Variants in EEIG2 observed in about 807,000 individuals in gnomAD.
The protein encoded by EEIG2 is family with sequence similarity 102 member B.
chr1:108,619,899 C>A, the EEIG2 span, among the ~76,000 whole-genome samples: 6 of 152,120 alleles, frequency 3.9e-5, no homozygotes, highest in Non-Finnish European at 8.8e-5. Flanking sequence ...AAAAATAAAG[C>A]AAATATATTA....
the EEIG2 span, among the ~76,000 whole-genome samples, chr1:108,564,538 C>G: frequency 1.3e-5 from 2 of 152,100 alleles, no homozygotes; most frequent in African/African-American, 4.8e-5. Context: ...TAGTGGGAGG[C>G]ATTTATGCGG....
the EEIG2 span, among the ~76,000 whole-genome samples, chr1:108,570,846 C>T: frequency 1.3e-5 from 2 of 151,986 alleles, no homozygotes; most frequent in African/African-American, 4.8e-5. Context: ...AAATATGGAA[C>T]AGTTGGAGGA....
At chr1:108,617,698 G>A in the EEIG2 span, among the ~76,000 whole-genome samples, 8 of 152,218 alleles carry the variant, frequency 5.3e-5, no homozygotes, top group African/African-American at 1.4e-4. Context: ...ACACCCCAGC[G>A]TGTTAGAGGT....
the EEIG2 span, among the ~76,000 whole-genome samples, chr1:108,591,071 C>A: frequency 6.6e-6 from 1 of 152,184 alleles, no homozygotes. Context: ...AAATCATATT[C>A]TGTTGCTTTG....
chr1:108,579,714 A>C, the EEIG2 span, among the ~76,000 whole-genome samples: 4 of 143,300 alleles, frequency 2.8e-5, no homozygotes, highest in African/African-American at 1.1e-4. Flanking sequence ...CAAGTCTGTC[A>C]GTGCTGTTTT....
At chr1:108,587,350 C>T in the EEIG2 span, among the ~76,000 whole-genome samples, 104 of 152,164 alleles carry the variant, frequency 6.8e-4, 1 homozygote, top group South Asian at 0.011. Context: ...ACACAATATC[C>T]CCCAGCTATT....
At chr1:108,617,463 T>TA in the EEIG2 span, among the ~76,000 whole-genome samples, 2 of 152,204 alleles carry the variant, frequency 1.3e-5, no homozygotes, top group Non-Finnish European at 2.9e-5. Flanking sequence ...GCTTGGGTGT[T>TA]AGACGTTTTA....
chr1:108,573,363 A>G, the EEIG2 span, among the ~76,000 whole-genome samples: 1 of 152,252 alleles, frequency 6.6e-6, no homozygotes, highest in Non-Finnish European at 1.5e-5. Context: ...TTATTACGTA[A>G]CAGAGAAATA....
the EEIG2 span, among the ~76,000 whole-genome samples, chr1:108,562,337 A>T: frequency 6.1e-3 from 929 of 152,324 alleles, 5 homozygotes; most frequent in Admixed American, 9.8e-3. Flanking sequence ...AGACTTAGAA[A>T]TGAAAAAGTT....
At chr1:108,591,479 A>AC in the EEIG2 span, among the ~76,000 whole-genome samples, 1 of 152,364 alleles carries the variant, frequency 6.6e-6, no homozygotes, top group South Asian at 2.1e-4. Flanking sequence ...GAAAGGGCAC[A>AC]CAGTCATCAA....
the EEIG2 span, among the ~76,000 whole-genome samples, chr1:108,612,524 ATT>A: frequency 6.6e-6 from 1 of 152,236 alleles, no homozygotes; most frequent in African/African-American, 2.4e-5. Flanking sequence ...ACGTTTGAGC[ATT>A]CAGAGAATAC....
chr1:108,581,921 A>G, the EEIG2 span, among the ~76,000 whole-genome samples: 2 of 152,196 alleles, frequency 1.3e-5, no homozygotes, highest in Non-Finnish European at 2.9e-5. Context: ...ATCACATGCT[A>G]CAGAGAAATA....
the EEIG2 span, among the ~76,000 whole-genome samples, chr1:108,578,559 A>G: frequency 6.7e-5 from 10 of 148,848 alleles, no homozygotes; most frequent in African/African-American, 2.5e-4. Flanking sequence ...TGAGATAATC[A>G]TGTGGTTTTT....
At chr1:108,588,849 CG>C in the EEIG2 span, among the ~76,000 whole-genome samples, 631 of 151,014 alleles carry the variant, frequency 4.2e-3, 4 homozygotes, top group African/African-American at 8.6e-3. Context: ...AGGGGACATA[CG>C]TTTTTTTAAT....
the EEIG2 span, among the ~76,000 whole-genome samples, chr1:108,610,490 G>A: frequency 1.3e-5 from 2 of 152,122 alleles, no homozygotes; most frequent in Admixed American, 6.6e-5. Context: ...GATGTTGGAG[G>A]GTCAACGAAA....
chr1:108,578,715 A>C, the EEIG2 span, among the ~76,000 whole-genome samples: 8 of 151,744 alleles, frequency 5.3e-5, no homozygotes, highest in Non-Finnish European at 1.0e-4. Context: ...CACAAAGGGA[A>C]GCCCATCAGA....
chr1:108,560,563 C>T, the EEIG2 span: 2 of 1,610,004 alleles, frequency 1.2e-6, no homozygotes, highest in South Asian at 2.2e-5. Context: ...CCGAGTCCTC[C>T]AGGTAACTCG....
the EEIG2 span, among the ~76,000 whole-genome samples, chr1:108,612,605 G>A: frequency 6.6e-6 from 1 of 152,192 alleles, no homozygotes; most frequent in Non-Finnish European, 1.5e-5. Context: ...ACCTTAAAAT[G>A]TTTGTAGCTC....
chr1:108,623,535 T>A, the EEIG2 span, among the ~76,000 whole-genome samples: 1 of 152,100 alleles, frequency 6.6e-6, no homozygotes, highest in Admixed American at 6.5e-5. Context: ...AATTGGACTG[T>A]TTTGTAAGAA....
Sources: allele counts gnomAD v4.1 joint callset (sites outside exome capture counted in the v4.1 genomes callset), GRCh38; gene constraint gnomAD v4.1.1; transcripts MANE v1.5; gene names NCBI Gene and HGNC (gene_info 2026-07-23, HGNC 2026-07-21).